Variants in CEP126 observed in about 807,000 individuals in gnomAD.
The protein encoded by CEP126 is centrosomal protein 126, also known as centrosomal protein of 126 kDa.
Under a neutral mutation model 107.8 loss-of-function variants are expected in CEP126, and 74 were observed. That is an observed-to-expected ratio of 0.69 (90% CI 0.57 to 0.83). CEP126 has a LOEUF of 0.83. Ranked by LOEUF, CEP126 falls within the 40% of genes least tolerant of loss-of-function variation. The pLI is 0.00. For synonymous variants in CEP126, 449 were observed against 446.0 expected (o/e 1.01, Z -0.08); for missense variants, 1,237 against 1,281.9 (o/e 0.96, Z 0.53).
rs1437990373 is a variant in CEP126 at position 101,963,468 on chromosome 11, A to C, written c.2433A>C (p.Arg811Ser). 1.2e-6 allele frequency: 2 copies of C among 1,614,052 alleles called. No homozygotes were observed. The highest frequency in any genetic ancestry group is 2.7e-5 in the African/African-American group (2 of 74,946). Residue 811 changes from arginine to serine, a missense_variant, in exon 6 of 11, where the codon AGA becomes AGC. By Grantham distance (110) the Arg-to-Ser change is moderately radical. This residue lies in a region of CEP126 where 1,134 missense variants were observed against 1,150.5 expected (regional missense o/e 0.99). Coordinates refer to ENST00000263468, the MANE Select transcript of CEP126 (RefSeq NM_020802.4). The stretch of plus-strand genomic sequence containing the variant: ...CTCCTCAATCTACATCAAATATTAG[A>C]AGTGGTAAAAATATACAAGTGTCTC... ...CPPPQSTSNIRSGKNIQVSQC... is the reference protein window; with the variant it reads ...CPPPQSTSNISSGKNIQVSQC...
At chr11:101,946,325 T>C (rs569952491) in intron 3 of CEP126, among the ~76,000 whole-genome samples, 3 of 151,638 alleles carry the variant, frequency 2.0e-5, no homozygotes, top group South Asian at 4.2e-4. Context: ...CTGGGCAACA[T>C]GATGAAACTC....
chr11:101,960,550 A>G (rs2137110463), intron 5 of CEP126, among the ~76,000 whole-genome samples: 1 of 152,300 alleles, frequency 6.6e-6, no homozygotes, highest in South Asian at 2.1e-4. Context: ...TTTAAGAAGT[A>G]TGCCAAAGGA....
At chr11:101,923,404 C>T (rs1027859584) in intron 2 of CEP126, among the ~76,000 whole-genome samples, 29 of 152,124 alleles carry the variant, frequency 1.9e-4, no homozygotes, top group African/African-American at 7.0e-4. Flanking sequence ...AAATATTAGG[C>T]TTTTTTTGAG....
At chr11:101,921,811 G>GT (rs1409485149) in intron 1 of CEP126, among the ~76,000 whole-genome samples, 1 of 108,688 alleles carries the variant, frequency 9.2e-6, no homozygotes, top group Non-Finnish European at 1.8e-5. Context: ...TTGAGATGGA[G>GT]TTTCGCTTTT....
intron 4 of CEP126, among the ~76,000 whole-genome samples, chr11:101,949,442 C>T (rs936641383): frequency 6.6e-6 from 1 of 152,062 alleles, no homozygotes; most frequent in Admixed American, 6.6e-5. Context: ...AAGAGAAAGA[C>T]TTAGGCTAAA....
At chr11:101,976,523 T>C (rs1360870868) in intron 6 of CEP126, among the ~76,000 whole-genome samples, 1 of 152,168 alleles carries the variant, frequency 6.6e-6, no homozygotes, top group Non-Finnish European at 1.5e-5. Context: ...AGGTAAAGGC[T>C]TTTTTGTAAG....
At chr11:101,953,944 A>G (rs1940848010) in intron 4 of CEP126, among the ~76,000 whole-genome samples, 3 of 152,114 alleles carry the variant, frequency 2.0e-5, no homozygotes, top group East Asian at 1.9e-4. Context: ...TACATTTTCT[A>G]TACAGGGCTT....
At chr11:101,940,133 G>A (rs117476835) in intron 2 of CEP126, among the ~76,000 whole-genome samples, 2,149 of 152,206 alleles carry the variant, frequency 0.014, 18 homozygotes, top group Middle Eastern at 0.027. Flanking sequence ...AAATGTCATA[G>A]GTATAAGTTA....
intron 6 of CEP126, among the ~76,000 whole-genome samples, chr11:101,965,871 G>C (rs2137115572): frequency 6.6e-6 from 1 of 152,242 alleles, no homozygotes; most frequent in Non-Finnish European, 1.5e-5. Flanking sequence ...TCCAAGTCCT[G>C]TGCTTTTTCT....
rs571795331 is a variant in CEP126 at position 101,932,369 on chromosome 11, C to T, written c.248+9609C>T. Among the ~76,000 whole-genome samples, 21 of 152,206 alleles carry T rather than the reference C, an allele frequency of 1.4e-4. No homozygotes were observed. The South Asian group carries it at 3.9e-3, about 29-fold the overall frequency. On this transcript the variant is annotated intron_variant, in intron 2 of 10. Transcript: ENST00000263468. ...TAACACAGGCTTTATTTTCTACAGT[C>T]CCAGAAAATACTGTATGAAATTATT...
Position 101,986,725 on chromosome 11 carries a change from T to C in CEP126, c.3035-107T>C, listed in dbSNP as rs935817259. ...ATTTGCTAGGTTTCTGCTTGTAATA[T>C]GAATACATACAGACAGTTAAGCATG... is the stretch of plus-strand genomic sequence containing the variant. On this transcript the variant is annotated intron_variant, in intron 8 of 10. Coordinates refer to ENST00000263468, the MANE Select transcript of CEP126 (RefSeq NM_020802.4). The C allele has an allele frequency of 5.7e-6, 4 of 698,572 alleles. No homozygotes were observed. The Admixed American group carries it at 7.7e-5, about 13-fold the overall frequency. The allele number at this position is 698,572 out of a possible 1,614,324, so 43.3% of individuals were successfully genotyped here.
At chr11:101,984,819 G>A (rs1269301412) in intron 8 of CEP126, among the ~76,000 whole-genome samples, 1 of 152,146 alleles carries the variant, frequency 6.6e-6, no homozygotes, top group Non-Finnish European at 1.5e-5. Flanking sequence ...TGCCTCAGCT[G>A]CTTCTGATGT....
chr11:101,982,837 A>T (rs1565368683), intron 8 of CEP126, among the ~76,000 whole-genome samples: 1 of 152,198 alleles, frequency 6.6e-6, no homozygotes, highest in Non-Finnish European at 1.5e-5. Flanking sequence ...CCCTGACATG[A>T]TACCACAAAT....
At chr11:101,939,106 A>G (rs1244605497) in intron 2 of CEP126, among the ~76,000 whole-genome samples, 1 of 152,192 alleles carries the variant, frequency 6.6e-6, no homozygotes. Context: ...TTGTTCAAAT[A>G]TTCTATATTC....
intron 2 of CEP126, among the ~76,000 whole-genome samples, chr11:101,942,587 T>G (rs1180594095): frequency 2.6e-5 from 4 of 151,260 alleles, no homozygotes; most frequent in South Asian, 2.1e-4. Context: ...CAGTATTATT[T>G]TGGCTATTCA....
intron 6 of CEP126, among the ~76,000 whole-genome samples, chr11:101,969,783 G>GA (rs1941104275): frequency 6.6e-6 from 1 of 152,166 alleles, no homozygotes; most frequent in Admixed American, 6.5e-5. Context: ...AGAGAGTCCA[G>GA]AAACAGACCT....
chr11:101,952,870 A>G (rs1940830899), intron 4 of CEP126, among the ~76,000 whole-genome samples: 2 of 152,220 alleles, frequency 1.3e-5, no homozygotes, highest in Non-Finnish European at 2.9e-5. Flanking sequence ...TAAACAATCA[A>G]ACTCCCTTAA....
chr11:101,963,307 A>C lies in CEP126; in HGVS notation c.2272A>C (p.Arg758=), dbSNP rs150846497. 5.0e-6 allele frequency: 8 copies of C among 1,613,822 alleles called. No individual in the cohort carries two copies. Among genetic ancestry groups the C allele is most frequent in the Non-Finnish European group, 6.8e-6 (8 of 1,179,988 alleles). Reference sequence around the variant, plus strand: ...ACAAAGAGGTAGAGCAAAAATAATTAGAAAACCAGGATCTGCAAAAGTCCA... The same window carrying C: ...ACAAAGAGGTAGAGCAAAAATAATTCGAAAACCAGGATCTGCAAAAGTCCA... ...KPQRGRAKII[R]KPGSAKVQSG... Residue 758 remains arginine, a synonymous_variant, in exon 6 of 11, where the codon AGA becomes CGA. Transcript: ENST00000263468.
chr11:101,987,003 T>A lies in CEP126; in HGVS notation c.3206T>A (p.Ile1069Asn). ...ACACTGTCAGCTGAAGAACAGAAGA[T>A]CCTAGAGTCCCTTAATGATCTCAGT... The part of the protein sequence containing the change: ...ICTLSAEEQK[I>N]LESLNDLSER... Residue 1069 changes from isoleucine to asparagine, a missense_variant, in exon 9 of 11, where the codon ATC becomes AAC. By Grantham distance (149) the Ile-to-Asn change is moderately radical. Coordinates refer to ENST00000263468, the MANE Select transcript of CEP126 (RefSeq NM_020802.4). 6.2e-7 allele frequency: 1 copy of A among 1,613,270 alleles called. No individual in the cohort carries two copies. Among genetic ancestry groups the A allele is most frequent in the Non-Finnish European group, 8.5e-7 (1 of 1,179,492 alleles).
Sources: gnomAD v4.1 joint callset for allele counts (sites outside exome capture counted in the v4.1 genomes callset) on GRCh38, gnomAD v4.1.1 for gene constraint, gnomAD v4.1.1 regional missense constraint, MANE v1.5 for transcripts, NCBI Gene and HGNC (gene_info 2026-07-23, HGNC 2026-07-21) for gene names.